The following TDRD1 variants were observed in gnomAD, a reference collection of about 807,000 sequenced individuals.
The protein encoded by TDRD1 is tudor domain-containing protein 1.
In TDRD1, 37 loss-of-function variants were observed where a neutral mutation model predicts 140.6. The observed-to-expected ratio is 0.26, with a 90% CI of 0.20 to 0.35. The LOEUF is 0.35. Among genes scored for constraint, TDRD1 ranks in the 10% least tolerant of loss-of-function variants. The pLI is 1.00. For missense variants in TDRD1, 1,243 were observed against 1,393.0 expected, an observed-to-expected ratio of 0.89 and a Z score of 1.71; for synonymous variants, 506 against 475.7, an observed-to-expected ratio of 1.06 and a Z score of -0.83.
At chr10:114,214,726 CTTCT>C (rs936440987) in intron 16 of TDRD1, among the ~76,000 whole-genome samples, 7 of 151,550 alleles carry the variant, frequency 4.6e-5, no homozygotes, top group Admixed American at 1.3e-4. Flanking sequence ...ATCATTACCT[CTTCT>C]TTCTTTCTTT....
upstream of TDRD1, among the ~76,000 whole-genome samples, chr10:114,176,752 C>T (rs746014381): frequency 1.1e-4 from 16 of 151,760 alleles, no homozygotes; most frequent in Admixed American, 2.0e-4. This position sits in a 1 kb window ranked among gnomAD's most constrained non-coding sequence, Gnocchi z 4.2. Flanking sequence ...CTAGTCTGGG[C>T]GGCAGAGCAA....
At chr10:114,219,636 GGAGTGCAATGGCACA>G (rs201593252) in intron 18 of TDRD1, among the ~76,000 whole-genome samples, 1,575 of 146,616 alleles carry the variant, frequency 0.011, 20 homozygotes, top group African/African-American at 0.038. Context: ...TGCCCAGGCT[GGAGTGCAATGGCACA>G]ATCTCGGCTC....
chr10:114,204,188 A>G (rs754863245), exon 9 of TDRD1: 25 of 1,595,606 alleles, frequency 1.6e-5, no homozygotes, highest in Admixed American at 3.8e-5. Context: ...TACCACCTCA[A>G]CAGGAACATT....
At chr10:114,204,990 T>A in intron 10 of TDRD1, 97 bp downstream of exon 10, 1 of 1,107,408 alleles carries the variant, frequency 9.0e-7, no homozygotes, top group South Asian at 2.0e-5. Flanking sequence ...CCAGGTAAAC[T>A]GCCCTCTGGA....
intron 16 of TDRD1, among the ~76,000 whole-genome samples, chr10:114,216,286 T>C (rs2035809577): frequency 1.3e-5 from 2 of 152,214 alleles, no homozygotes; most frequent in African/African-American, 4.8e-5. Flanking sequence ...TGCTGTTTAG[T>C]CTCTATTCTT....
At chr10:114,224,535 T>A (rs2036326604) in intron 21 of TDRD1, among the ~76,000 whole-genome samples, 6 of 152,216 alleles carry the variant, frequency 3.9e-5, no homozygotes, top group Admixed American at 3.9e-4. Flanking sequence ...CTTCAAGTCT[T>A]CTAATGCTGA....
At chr10:114,183,284 T>G (rs1449966592) in intron 1 of TDRD1, among the ~76,000 whole-genome samples, 1 of 152,206 alleles carries the variant, frequency 6.6e-6, no homozygotes, top group East Asian at 1.9e-4. Flanking sequence ...AGAAGATGAC[T>G]ATACGCTAGT....
At chr10:114,188,416 A>G (rs1234288234) in intron 2 of TDRD1, among the ~76,000 whole-genome samples, 1 of 152,230 alleles carries the variant, frequency 6.6e-6, no homozygotes. Flanking sequence ...TGTAGAAAGG[A>G]AACACTCTGG....
At chr10:114,189,683 CT>C (rs2120216764) in intron 2 of TDRD1, among the ~76,000 whole-genome samples, 1 of 152,318 alleles carries the variant, frequency 6.6e-6, no homozygotes, top group African/African-American at 2.4e-5. Flanking sequence ...CCTCAAACCC[CT>C]GGGCACAAAC....
intron 25 of TDRD1, among the ~76,000 whole-genome samples, chr10:114,229,818 T>G (rs1456762316): frequency 2.0e-5 from 2 of 98,554 alleles, no homozygotes; most frequent in Admixed American, 1.9e-4. Flanking sequence ...TATATATATA[T>G]TTTTTTTTTA....
exon 26 of TDRD1, chr10:114,231,749 A>T (rs2133249307): frequency 2.0e-6 from 1 of 493,694 alleles, no homozygotes; most frequent in Non-Finnish European, 3.5e-6. Context: ...ACTGGCAAGG[A>T]ATACATAGGG....
At chr10:114,221,439 C>T in exon 20 of TDRD1, 1 of 1,613,324 alleles carries the variant, frequency 6.2e-7, no homozygotes, top group Admixed American at 1.7e-5. Context: ...AAATCATAAG[C>T]CCAAACTTGT....
In TDRD1 at chr10:114,209,028, C is replaced by T. The variant is rs544577519; in HGVS notation, c.1385-1553C>T. ...CCATCTCCTGACCTCGTGAACTGCC[C>T]GCCTCGGCCTCCCAAAGTGCTCTGA... On this transcript the variant is annotated intron_variant, in intron 11 of 25. Coordinates refer to ENST00000251864, the Ensembl canonical transcript of TDRD1. Among the ~76,000 whole-genome samples the T allele has an allele frequency of 2.9e-4, 44 of 152,030 alleles. No individual in the cohort carries two copies. In the East Asian group the frequency reaches 2.9e-3, roughly 10 times the overall value.
exon 12 of TDRD1, chr10:114,210,674 G>A (rs1483067407): frequency 3.1e-6 from 5 of 1,613,052 alleles, no homozygotes; most frequent in South Asian, 1.1e-5. Context: ...TTGAATGTAG[G>A]TGATGAGTTT....
chr10:114,199,087 A>C, intron 3 of TDRD1, 86 bp from the exon 4 acceptor site: 1 of 1,416,216 alleles, frequency 7.1e-7, no homozygotes, highest in Non-Finnish European at 9.6e-7. Context: ...CATCTACTTG[A>C]TCTTATCTGA....
intron 10 of TDRD1, 112 bp from the exon 11 acceptor site, chr10:114,206,132 A>G (rs2035082611): frequency 1.3e-6 from 1 of 766,928 alleles, no homozygotes; most frequent in South Asian, 1.8e-5. Flanking sequence ...ATACCAACCT[A>G]TTAATAGCTA....
intron 1 of TDRD1, among the ~76,000 whole-genome samples, chr10:114,185,027 C>T (rs1442156571): frequency 6.6e-6 from 1 of 152,134 alleles, no homozygotes; most frequent in Non-Finnish European, 1.5e-5. Flanking sequence ...GTTACTCATA[C>T]AGTCTTTACT....
chr10:114,207,786 A>G (rs763194803), intron 11 of TDRD1, among the ~76,000 whole-genome samples: 11 of 152,050 alleles, frequency 7.2e-5, no homozygotes, highest in Non-Finnish European at 1.6e-4. Flanking sequence ...GTCATCAGTA[A>G]TATCAGATGC....
chr10:114,203,083 A>T (rs1161685763), exon 7 of TDRD1: 3 of 1,612,624 alleles, frequency 1.9e-6, no homozygotes, highest in Non-Finnish European at 2.5e-6. Context: ...GTGACTGTCC[A>T]CTTGGAGTTA....
Sources: gnomAD v4.1 joint callset for allele counts (sites outside exome capture counted in the v4.1 genomes callset) on GRCh38, gnomAD v4.1.1 for gene constraint, Gnocchi (gnomAD v3.1) non-coding constraint, MANE v1.5 for transcripts, NCBI Gene and HGNC (gene_info 2026-07-23, HGNC 2026-07-21) for gene names.